The following ACSM1 variants were observed in gnomAD, a reference collection of about 807,000 sequenced individuals.
ACSM1 encodes the protein acyl-coenzyme A synthetase ACSM1, mitochondrial.
A neutral mutation model predicts 75.8 loss-of-function variants in ACSM1; 79 were observed. The observed-to-expected ratio is 1.04, with a 90% confidence interval of 0.87 to 1.26. The LOEUF is 1.26. Ranked by LOEUF, ACSM1 falls within the 50% of genes most tolerant of loss-of-function variation. ACSM1 has a pLI of 0.00. For synonymous variants in ACSM1, 279 were observed against 265.8 expected, an observed-to-expected ratio of 1.05 and a Z score of -0.48; for missense variants, 676 against 720.1, an observed-to-expected ratio of 0.94 and a Z score of 0.70.
At chr16:20,669,229 T>C (rs1210089693) in intron 6 of ACSM1, among the ~76,000 whole-genome samples, 1 of 152,092 alleles carries the variant, frequency 6.6e-6, no homozygotes, top group Non-Finnish European at 1.5e-5. Context: ...AATGTCAGGG[T>C]TAAGTACTTT....
At chr16:20,673,522 C>T (rs1368287919) in intron 4 of ACSM1, among the ~76,000 whole-genome samples, 2 of 152,138 alleles carry the variant, frequency 1.3e-5, no homozygotes, top group Non-Finnish European at 2.9e-5. Flanking sequence ...AGAAAACAAA[C>T]CCAGCATGGT....
intron 4 of ACSM1, among the ~76,000 whole-genome samples, chr16:20,672,800 GTATAATATATAATATATATTA>G (rs2020028079): frequency 9.1e-6 from 1 of 110,152 alleles, no homozygotes; most frequent in African/African-American, 4.1e-5. Flanking sequence ...TACAAAATAT[GTATAATATATAATATATATTA>G]TATAATATAT....
At chr16:20,630,508 C>A (rs906678805) in intron 10 of ACSM1, among the ~76,000 whole-genome samples, 40 of 152,140 alleles carry the variant, frequency 2.6e-4, no homozygotes, top group African/African-American at 9.2e-4. Flanking sequence ...AACCTCAGAG[C>A]CCCAAAATAC....
chr16:20,628,108 A>G (rs1231390387), intron 10 of ACSM1, among the ~76,000 whole-genome samples: 1 of 151,740 alleles, frequency 6.6e-6, no homozygotes, highest in African/African-American at 2.4e-5. Context: ...TGAGTCTAGT[A>G]TGTTTTTAAG....
Position 20,657,021 on chromosome 16 carries a change from A to G in ACSM1, c.992+4773T>C, listed in dbSNP as rs77456779. 2.3e-4 allele frequency among the ~76,000 whole-genome samples: 35 copies of G among 152,258 alleles called. No homozygotes were observed. The East Asian group carries it at 6.7e-3, about 29-fold the overall frequency. On this transcript the variant is annotated intron_variant, in intron 7 of 13. Coordinates refer to ENST00000520010, the MANE Select transcript of ACSM1 (RefSeq NM_001318890.3). ...TCTGCTTCCTATAAAATTAAAAAAT[A>G]TATATATTTACTAATAGGATAAAGT...
In ACSM1 at chr16:20,625,456, G is replaced by A. The variant is rs552101349; in HGVS notation, c.1494C>T (p.Ala498=). The change falls in exon 12 of 14, where the codon GCC becomes GCT. Residue 498 remains alanine (A), a synonymous_variant. Coordinates refer to ENST00000520010, the MANE Select transcript of ACSM1 (RefSeq NM_001318890.3). Reference sequence around the variant, plus strand: ...GAATCGGGTCTGGGCTGCCCACCACGGCTGACTCCGCCACCGCTGGGTGCT... The same window carrying A: ...GAATCGGGTCTGGGCTGCCCACCACAGCTGACTCCGCCACCGCTGGGTGCT... ...LVEHPAVAES[A]VVGSPDPIRG... The A allele has an allele frequency of 4.5e-5, 72 of 1,614,088 alleles. No homozygotes were observed. Among genetic ancestry groups the A allele is most frequent in the African/African-American group, 8.0e-5 (6 of 75,038 alleles).
intron 4 of ACSM1, among the ~76,000 whole-genome samples, chr16:20,672,471 A>AAATATATATATATAT (rs1555473775): frequency 1.5e-5 from 1 of 64,574 alleles, no homozygotes; most frequent in South Asian, 5.7e-4. Context: ...AAAAAAAAAA[A>AAATATATATATATAT]ATATATATAT....
chr16:20,638,717 A>C (rs1224978365), intron 8 of ACSM1, among the ~76,000 whole-genome samples: 1 of 152,226 alleles, frequency 6.6e-6, no homozygotes, highest in African/African-American at 2.4e-5. Context: ...GGCAGAGCTG[A>C]GACTTGGACC....
At chr16:20,659,038 T>C (rs547170175) in intron 7 of ACSM1, among the ~76,000 whole-genome samples, 1 of 152,196 alleles carries the variant, frequency 6.6e-6, no homozygotes, top group Non-Finnish European at 1.5e-5. Context: ...GATAGACATT[T>C]TCTTGTAAAT....
chr16:20,682,453 G>A lies in ACSM1; in HGVS notation c.414C>T (p.Phe138=). The change falls in exon 4 of 14, where the codon TTC becomes TTT. Residue 138 remains phenylalanine (F), a synonymous_variant. Coordinates refer to ENST00000520010, the MANE Select transcript of ACSM1 (RefSeq NM_001318890.3). The part of the protein sequence containing the change: ...AVGCMRTGII[F]IPATILLKAK... ...CCTTCAACAGGATGGTCGCAGGAAT[G>A]AAGATGATCCCTGGGGATGAGAAAG... The A allele has an allele frequency of 6.2e-7, 1 of 1,613,310 alleles. No homozygotes were observed. The highest frequency in any genetic ancestry group is 2.2e-5 in the East Asian group (1 of 44,852).
At chr16:20,677,106 G>A (rs79898258) in intron 4 of ACSM1, among the ~76,000 whole-genome samples, 1 of 151,742 alleles carries the variant, frequency 6.6e-6, no homozygotes, top group African/African-American at 2.4e-5. Flanking sequence ...AGTTCCTAAG[G>A]GCAGCAAGGT....
At chr16:20,651,685 G>A (rs529983291) in intron 7 of ACSM1, among the ~76,000 whole-genome samples, 4 of 151,582 alleles carry the variant, frequency 2.6e-5, no homozygotes, top group African/African-American at 4.9e-5. Context: ...CACATATGAA[G>A]AGCTCTAATT....
Position 20,689,540 on chromosome 16 carries a change from A to T in ACSM1, c.192+1457T>A, listed in dbSNP as rs529929565. 5.9e-5 allele frequency among the ~76,000 whole-genome samples: 9 copies of T among 152,318 alleles called. No homozygotes were observed. The South Asian group carries it at 1.9e-3, about 32-fold the overall frequency. ...GCAGAATGGATAAAAAAAAAATCCAACTACATGCTGTCTGCAAAAATTAAG... is the reference window on the plus strand; with the variant it reads ...GCAGAATGGATAAAAAAAAAATCCATCTACATGCTGTCTGCAAAAATTAAG... On this transcript the variant is annotated intron_variant, in intron 2 of 13. Transcript: ENST00000520010.
intron 13 of ACSM1, among the ~76,000 whole-genome samples, chr16:20,623,894 T>C (rs1367743154): frequency 6.6e-6 from 1 of 152,204 alleles, no homozygotes; most frequent in South Asian, 2.1e-4. Context: ...AGGCTGCTCC[T>C]TTATTCTGGT....
intron 8 of ACSM1, 96 bp from the exon 9 acceptor site, chr16:20,637,547 T>A: frequency 9.2e-7 from 1 of 1,090,424 alleles, no homozygotes; most frequent in Non-Finnish European, 1.4e-6. Context: ...CTCAGAGATG[T>A]AGTATTCCTC....
rs780081947 is a variant in ACSM1, at chr16:20,682,401, A to G, written c.466T>C (p.Leu156=). 2.5e-6 allele frequency: 4 copies of G among 1,613,932 alleles called. No individual in the cohort carries two copies. The Admixed American group carries it at 6.7e-5, about 27-fold the overall frequency. The change falls in exon 4 of 14, where the codon TTG becomes CTG. Residue 156 remains leucine (L), a synonymous_variant. Transcript: ENST00000520010. ...KAKDILYRLQ[L]SKAKGIVTID... ...GTCACAATGCCCTTGGCTTTAGACA[A>G]CTGTAGTCGATAGAGAATGTCTTTG...
intron 2 of ACSM1, among the ~76,000 whole-genome samples, chr16:20,685,759 G>A (rs1192024436): frequency 6.8e-6 from 1 of 146,862 alleles, no homozygotes; most frequent in African/African-American, 2.5e-5. Context: ...GGCAGAGGTT[G>A]CAGTGAGCCA....
intron 7 of ACSM1, among the ~76,000 whole-genome samples, chr16:20,654,278 A>G (rs562357745): frequency 8.3e-4 from 126 of 152,326 alleles, no homozygotes; most frequent in African/African-American, 2.9e-3. Context: ...GAAATGTTAG[A>G]CCTAAAACCA....
chr16:20,691,914 G>A (rs535302442), intron 1 of ACSM1, among the ~76,000 whole-genome samples: 1 of 152,086 alleles, frequency 6.6e-6, no homozygotes, highest in East Asian at 1.9e-4. Flanking sequence ...CCCCCTACAG[G>A]CGAGAATGAA....
Sources: allele counts gnomAD v4.1 joint callset (sites outside exome capture counted in the v4.1 genomes callset), GRCh38; gene constraint gnomAD v4.1.1; transcripts MANE v1.5; gene names NCBI Gene and HGNC (gene_info 2026-07-23, HGNC 2026-07-21).